The following SLC9A9 variants were observed in gnomAD, a reference collection of about 807,000 sequenced individuals.
The protein encoded by SLC9A9 is solute carrier family 9 member A9, also known as sodium/hydrogen exchanger 9.
In SLC9A9, 62 loss-of-function variants were observed where a neutral mutation model predicts 77.8. The observed-to-expected ratio is 0.80, with a 90% CI of 0.65 to 0.98. The LOEUF (loss-of-function observed/expected upper bound fraction) is 0.98, where lower values mean the gene tolerates loss of function less well. Among genes scored for constraint, SLC9A9 ranks in the 50% least tolerant of loss-of-function variants. The pLI, the probability that SLC9A9 is intolerant of heterozygous loss-of-function variation, is 0.00. For missense variants in SLC9A9, 775 were observed against 774.9 expected (o/e 1.00, Z 0.00); for synonymous variants, 320 against 283.5 (o/e 1.13, Z -1.29).
At chr3:143,499,670 A>G (rs1022870820) in intron 9 of SLC9A9, among the ~76,000 whole-genome samples, 12 of 152,186 alleles carry the variant, frequency 7.9e-5, no homozygotes, top group African/African-American at 2.9e-4. Context: ...GCAAAATACA[A>G]GTGAGATATG....
chr3:143,315,977 C>T (rs554027255), intron 14 of SLC9A9, among the ~76,000 whole-genome samples: 2 of 152,282 alleles, frequency 1.3e-5, no homozygotes, highest in South Asian at 4.1e-4. Context: ...GATGGTGACA[C>T]CAAAGTCCTC....
At chr3:143,794,180 T>G (rs868834323) in intron 4 of SLC9A9, among the ~76,000 whole-genome samples, 1 of 152,186 alleles carries the variant, frequency 6.6e-6, no homozygotes, top group African/African-American at 2.4e-5. Context: ...AGAGAATGGG[T>G]GGAGGCATGA....
intron 1 of SLC9A9, among the ~76,000 whole-genome samples, chr3:143,834,970 G>T (rs1218548978): frequency 6.6e-6 from 1 of 152,150 alleles, no homozygotes; most frequent in African/African-American, 2.4e-5. Context: ...CTGAGGTCAG[G>T]CTCCCAGCCG....
At chr3:143,500,614 G>C (rs1291068765) in intron 9 of SLC9A9, among the ~76,000 whole-genome samples, 3 of 152,110 alleles carry the variant, frequency 2.0e-5, no homozygotes, top group Non-Finnish European at 4.4e-5. Context: ...CTCAAAGAGA[G>C]CTGTCCTGAC....
intron 12 of SLC9A9, among the ~76,000 whole-genome samples, chr3:143,406,920 G>A (rs1382772242): frequency 4.1e-5 from 6 of 147,528 alleles, no homozygotes; most frequent in Non-Finnish European, 8.9e-5. Context: ...AGGTTGCAGC[G>A]AGCCAAGGTT....
intron 5 of SLC9A9, among the ~76,000 whole-genome samples, chr3:143,690,104 T>C (rs1336249069): frequency 1.3e-5 from 2 of 152,034 alleles, no homozygotes; most frequent in African/African-American, 2.4e-5. Flanking sequence ...TAGTGGGATA[T>C]ATCCAAAGGC....
chr3:143,525,341 G>A (rs1016176195), intron 9 of SLC9A9, among the ~76,000 whole-genome samples: 9 of 152,174 alleles, frequency 5.9e-5, no homozygotes, highest in Non-Finnish European at 1.3e-4. Context: ...TGATATCCCT[G>A]TGTGAGGTAG....
At chr3:143,368,937 G>C (rs187528174) in intron 13 of SLC9A9, among the ~76,000 whole-genome samples, 21 of 152,244 alleles carry the variant, frequency 1.4e-4, no homozygotes, top group Non-Finnish European at 2.2e-4. Flanking sequence ...CCTCTGCATA[G>C]AAAGCAGTTT....
At chr3:143,695,986 C>T (rs1032182636) in intron 4 of SLC9A9, among the ~76,000 whole-genome samples, 3 of 132,518 alleles carry the variant, frequency 2.3e-5, no homozygotes, top group Admixed American at 8.1e-5. Flanking sequence ...CCTTCACACA[C>T]TATTTGATGG....
chr3:143,513,717 T>C (rs1012428717), intron 9 of SLC9A9, among the ~76,000 whole-genome samples: 1 of 152,228 alleles, frequency 6.6e-6, no homozygotes, highest in Non-Finnish European at 1.5e-5. Context: ...CCTTGATCCA[T>C]GGGCTGCAGA....
At chr3:143,772,234 C>T (rs546202708) in intron 4 of SLC9A9, among the ~76,000 whole-genome samples, 2 of 152,208 alleles carry the variant, frequency 1.3e-5, no homozygotes, top group South Asian at 4.2e-4. Flanking sequence ...TGTGAATCAG[C>T]GTACCCAACT....
chr3:143,653,924 C>T (rs531468837), intron 5 of SLC9A9, among the ~76,000 whole-genome samples: 1 of 152,106 alleles, frequency 6.6e-6, no homozygotes, highest in Admixed American at 6.5e-5. Context: ...ACATAGTAAG[C>T]CTTTAATGAG....
chr3:143,273,087 AATC>A (rs1354141719), intron 14 of SLC9A9, among the ~76,000 whole-genome samples: 1 of 152,222 alleles, frequency 6.6e-6, no homozygotes, highest in Non-Finnish European at 1.5e-5. Flanking sequence ...GTTTACTTTA[AATC>A]ATCATGTTTT....
At chr3:143,617,748 T>C (rs2038130791) in intron 6 of SLC9A9, among the ~76,000 whole-genome samples, 1 of 152,192 alleles carries the variant, frequency 6.6e-6, no homozygotes, top group African/African-American at 2.4e-5. Flanking sequence ...ACTTCACTTA[T>C]CTATCTACCT....
At chr3:143,635,824 G>T (rs1385959267) in intron 6 of SLC9A9, among the ~76,000 whole-genome samples, 1 of 152,136 alleles carries the variant, frequency 6.6e-6, no homozygotes, top group Non-Finnish European at 1.5e-5. Context: ...ACCATCTCTT[G>T]TTTAAGATTT....
chr3:143,652,779 A>ACG (rs2038820569), intron 5 of SLC9A9, among the ~76,000 whole-genome samples: 1 of 77,774 alleles, frequency 1.3e-5, no homozygotes, highest in Non-Finnish European at 2.6e-5. Context: ...TTCCTTAAAT[A>ACG]CACACACACA....
At chr3:143,747,368 C>T (rs939705139) in intron 4 of SLC9A9, among the ~76,000 whole-genome samples, 11 of 150,664 alleles carry the variant, frequency 7.3e-5, no homozygotes, top group African/African-American at 2.2e-4. Context: ...TGCACCTCTG[C>T]CCCCCAGCCT....
At chr3:143,749,314 A>T (rs942591679) in intron 4 of SLC9A9, among the ~76,000 whole-genome samples, 1 of 152,186 alleles carries the variant, frequency 6.6e-6, no homozygotes, top group African/African-American at 2.4e-5. Flanking sequence ...CTCCCTTTAG[A>T]AAAATGTATC....
At chr3:143,283,955 C>A (rs1255900078) in intron 14 of SLC9A9, among the ~76,000 whole-genome samples, 2 of 152,046 alleles carry the variant, frequency 1.3e-5, no homozygotes, top group African/African-American at 4.8e-5. Flanking sequence ...TAAACCATGA[C>A]TCATGATATG....
Sources: allele counts gnomAD v4.1 joint callset (sites outside exome capture counted in the v4.1 genomes callset), GRCh38; gene constraint gnomAD v4.1.1; transcripts MANE v1.5; gene names NCBI Gene and HGNC (gene_info 2026-07-23, HGNC 2026-07-21).